The following LRRC3B variants were observed in gnomAD, a reference collection of about 807,000 sequenced individuals.
LRRC3B encodes the protein leucine-rich repeat-containing protein 3B.
Under a neutral mutation model 12.8 loss-of-function variants are expected in LRRC3B, and 2 were observed. The ratio of observed to expected loss-of-function variants is 0.16; its 90% CI spans 0.06 to 0.49. The LOEUF (loss-of-function observed/expected upper bound fraction) is 0.49, where lower values mean the gene tolerates loss of function less well. Among genes scored for constraint, LRRC3B ranks in the 20% least tolerant of loss-of-function variants. LRRC3B has a pLI of 0.96. For missense variants in LRRC3B, 189 were observed against 319.4 expected, an observed-to-expected ratio of 0.59 and a Z score of 3.11; for synonymous variants, 132 against 122.0, an observed-to-expected ratio of 1.08 and a Z score of -0.54.
intron 1 of LRRC3B, among the ~76,000 whole-genome samples, chr3:26,702,730 A>G (rs1262721722): frequency 1.3e-5 from 2 of 152,168 alleles, no homozygotes; most frequent in Admixed American, 6.6e-5. Context: ...CTGGACACCA[A>G]CAATTCAGGA....
At chr3:26,657,775 C>T (rs1434972498) in intron 1 of LRRC3B, among the ~76,000 whole-genome samples, 1 of 152,134 alleles carries the variant, frequency 6.6e-6, no homozygotes, top group East Asian at 1.9e-4. Context: ...TCTGGCTTGG[C>T]TTTTCATTCA....
intron 1 of LRRC3B, among the ~76,000 whole-genome samples, chr3:26,671,350 G>GTATGTATATATA (rs1553603719): frequency 2.8e-4 from 16 of 56,748 alleles, no homozygotes; most frequent in Non-Finnish European, 3.0e-4. Flanking sequence ...ATATATGTGT[G>GTATGTATATATA]TATATATATA....
intron 1 of LRRC3B, among the ~76,000 whole-genome samples, chr3:26,662,630 C>A (rs896590927): frequency 1.3e-5 from 2 of 152,058 alleles, no homozygotes; most frequent in Admixed American, 6.6e-5. Flanking sequence ...TGAGTTTTAA[C>A]ATTACCCTTG....
intron 1 of LRRC3B, among the ~76,000 whole-genome samples, chr3:26,692,851 C>A (rs1700219434): frequency 6.6e-6 from 1 of 152,174 alleles, no homozygotes; most frequent in Non-Finnish European, 1.5e-5. Flanking sequence ...GGCTCCTTAG[C>A]CTATGGTCAG....
At chr3:26,678,740 G>C (rs1483859228) in intron 1 of LRRC3B, among the ~76,000 whole-genome samples, 3 of 152,108 alleles carry the variant, frequency 2.0e-5, no homozygotes, top group African/African-American at 7.2e-5. Context: ...TGACTTTGGG[G>C]GTTATCCAAT....
At chr3:26,685,942 G>T (rs1700079170) in intron 1 of LRRC3B, among the ~76,000 whole-genome samples, 1 of 152,100 alleles carries the variant, frequency 6.6e-6, no homozygotes, top group Non-Finnish European at 1.5e-5. Flanking sequence ...TCTATTGGCA[G>T]TAGCTACCTC....
At chr3:26,693,898 AT>A (rs1700246982) in intron 1 of LRRC3B, among the ~76,000 whole-genome samples, 1 of 152,204 alleles carries the variant, frequency 6.6e-6, no homozygotes, top group Admixed American at 6.5e-5. Context: ...ACAATAGTCC[AT>A]TCATCTTCAT....
At chr3:26,683,295 C>T (rs766169176) in intron 1 of LRRC3B, among the ~76,000 whole-genome samples, 7 of 152,328 alleles carry the variant, frequency 4.6e-5, no homozygotes, top group African/African-American at 9.6e-5. Context: ...CTTTACTACA[C>T]GATGGCATTT....
intron 1 of LRRC3B, among the ~76,000 whole-genome samples, chr3:26,652,380 C>T (rs979002607): frequency 6.6e-6 from 1 of 152,190 alleles, no homozygotes; most frequent in Non-Finnish European, 1.5e-5. Context: ...CCAGCATATG[C>T]TGCCGGGAAG....
chr3:26,699,246 G>GAA (rs1203644384), intron 1 of LRRC3B, among the ~76,000 whole-genome samples: 3 of 152,088 alleles, frequency 2.0e-5, no homozygotes, highest in African/African-American at 7.2e-5. Context: ...CCTCAAGACA[G>GAA]AATGATCTTA....
At chr3:26,642,634 A>G (rs917862609) in intron 1 of LRRC3B, among the ~76,000 whole-genome samples, 1 of 152,126 alleles carries the variant, frequency 6.6e-6, no homozygotes, top group Non-Finnish European at 1.5e-5. Flanking sequence ...GTTTCTCTAC[A>G]GGCTTTGGCA....
chr3:26,640,868 T>C (rs6790894), intron 1 of LRRC3B, among the ~76,000 whole-genome samples: 40,943 of 152,112 alleles, frequency 0.27, 5,767 homozygotes, highest in African/African-American at 0.34. Context: ...AAGGTCAAAT[T>C]GGTGTTCTCC....
At chr3:26,670,252 T>TGA (rs1255446844) in intron 1 of LRRC3B, among the ~76,000 whole-genome samples, 2 of 152,148 alleles carry the variant, frequency 1.3e-5, no homozygotes, top group Admixed American at 6.5e-5. Context: ...CTTGCAGAAA[T>TGA]GAGAGAGAGA....
rs1038170901 is a variant in LRRC3B at position 26,691,062 on chromosome 3, CAT to C, written c.-160-18442_-160-18441del. Among the ~76,000 whole-genome samples the C allele has an allele frequency of 2.6e-4, 27 of 104,368 alleles. No homozygotes were observed. In the East Asian group the frequency reaches 3.4e-3, roughly 13 times the overall value. 68.5% of individuals were successfully genotyped at this position (104,368 alleles called of 152,430 possible). A position where few individuals can be genotyped will look rare whatever the true frequency, so the allele number is the denominator to read the frequency against. On this transcript the variant is annotated intron_variant, in intron 1 of 1. Coordinates refer to ENST00000396641, the Ensembl canonical transcript of LRRC3B. Reference sequence around the variant, plus strand: ...GTGTATATATGTATATATGTACATACATATATATATGTATATGTGTGTGTGTA... The same window carrying C: ...GTGTATATATGTATATATGTACATACATATATATGTATATGTGTGTGTGTA...
chr3:26,686,693 G>T (rs1217141435), intron 1 of LRRC3B, among the ~76,000 whole-genome samples: 1 of 152,208 alleles, frequency 6.6e-6, no homozygotes, highest in Non-Finnish European at 1.5e-5. Flanking sequence ...TTCTAGGGAA[G>T]AAGACTCTGA....
At chr3:26,691,743 G>A (rs569193759) in intron 1 of LRRC3B, among the ~76,000 whole-genome samples, 11 of 152,292 alleles carry the variant, frequency 7.2e-5, no homozygotes, top group East Asian at 5.8e-4. Context: ...CTCTTCAGTC[G>A]TGGATAATGG....
intron 1 of LRRC3B, among the ~76,000 whole-genome samples, chr3:26,640,354 A>T (rs888450787): frequency 1.3e-5 from 2 of 151,930 alleles, no homozygotes; most frequent in African/African-American, 4.8e-5. Context: ...TGGCACTAGG[A>T]ATCTACTTTA....
At chr3:26,666,116 A>G (rs545152241) in intron 1 of LRRC3B, among the ~76,000 whole-genome samples, 3 of 152,184 alleles carry the variant, frequency 2.0e-5, no homozygotes, top group Non-Finnish European at 4.4e-5. Context: ...ATTTATGTCC[A>G]TAAGTTTATC....
chr3:26,635,053 C>T (rs908306769), intron 1 of LRRC3B, among the ~76,000 whole-genome samples: 1 of 152,182 alleles, frequency 6.6e-6, no homozygotes, highest in Non-Finnish European at 1.5e-5. Flanking sequence ...TACAGAAGCA[C>T]ATTCATTATG....
Sources: gnomAD v4.1 joint callset for allele counts (sites outside exome capture counted in the v4.1 genomes callset) on GRCh38, gnomAD v4.1.1 for gene constraint, MANE v1.5 for transcripts, NCBI Gene and HGNC (gene_info 2026-07-23, HGNC 2026-07-21) for gene names.